The following SEMA3E variants were observed in gnomAD, a reference collection of about 807,000 sequenced individuals.
SEMA3E encodes the protein semaphorin-3E.
SEMA3E carries 49 observed loss-of-function variants against 93.6 expected under a neutral mutation model. The ratio of observed to expected loss-of-function variants is 0.52; its 90% CI spans 0.42 to 0.66. SEMA3E has a LOEUF of 0.66. Among genes scored for constraint, SEMA3E ranks in the 30% least tolerant of loss-of-function variants. The pLI, the probability that SEMA3E is intolerant of heterozygous loss-of-function variation, is 0.00. For missense variants in SEMA3E, 906 were observed against 964.8 expected, an observed-to-expected ratio of 0.94 and a Z score of 0.81; for synonymous variants, 363 against 330.7, an observed-to-expected ratio of 1.10 and a Z score of -1.06.
At chr7:83,580,472 T>G (rs1792497158) in intron 1 of SEMA3E, among the ~76,000 whole-genome samples, 1 of 151,984 alleles carries the variant, frequency 6.6e-6, no homozygotes, top group Non-Finnish European at 1.5e-5. Context: ...GTCTATCATG[T>G]GCATCCCTAC....
At chr7:83,440,105 C>T (rs937143605) in intron 4 of SEMA3E, among the ~76,000 whole-genome samples, 1 of 152,102 alleles carries the variant, frequency 6.6e-6, no homozygotes, top group African/African-American at 2.4e-5. Flanking sequence ...TCCTTTATTG[C>T]TTCATCACAA....
At chr7:83,378,122 G>C (rs1460995622) in intron 16 of SEMA3E, among the ~76,000 whole-genome samples, 1 of 151,700 alleles carries the variant, frequency 6.6e-6, no homozygotes, top group Admixed American at 6.6e-5. Flanking sequence ...ATTTAGGCTT[G>C]TATTTCAGAT....
intron 1 of SEMA3E, among the ~76,000 whole-genome samples, chr7:83,603,057 G>A (rs73380778): frequency 0.013 from 1,955 of 152,128 alleles, 46 homozygotes; most frequent in African/African-American, 0.044. Flanking sequence ...TGCTTTATGC[G>A]TAGGTCCAAG....
At chr7:83,458,054 T>C (rs1030864553) in intron 4 of SEMA3E, among the ~76,000 whole-genome samples, 2 of 151,646 alleles carry the variant, frequency 1.3e-5, no homozygotes, top group Admixed American at 1.3e-4. Flanking sequence ...TATATATAAT[T>C]TTTTCAAAAT....
At chr7:83,512,582 A>G (rs1040453920) in intron 1 of SEMA3E, among the ~76,000 whole-genome samples, 1 of 152,218 alleles carries the variant, frequency 6.6e-6, no homozygotes, top group Non-Finnish European at 1.5e-5. Flanking sequence ...TCAGATAATG[A>G]TATTTCAGAG....
chr7:83,390,419 G>C (rs56362459), intron 14 of SEMA3E, among the ~76,000 whole-genome samples: 151,424 of 152,162 alleles, frequency 1, 75,346 homozygotes, highest in Middle Eastern at 1. Flanking sequence ...AGACAAAATA[G>C]AAGAGCAAGG....
At chr7:83,512,593 A>T (rs1222722210) in intron 1 of SEMA3E, among the ~76,000 whole-genome samples, 9 of 152,222 alleles carry the variant, frequency 5.9e-5, no homozygotes. Flanking sequence ...TATTTCAGAG[A>T]TAGTTGTGTT....
chr7:83,551,645 ACTAAAAC>A (rs1454079864), intron 1 of SEMA3E, among the ~76,000 whole-genome samples: 1 of 152,214 alleles, frequency 6.6e-6, no homozygotes, highest in African/African-American at 2.4e-5. Flanking sequence ...ATTTACTCAT[ACTAAAAC>A]ATTTGAATAC....
chr7:83,594,972 C>G (rs1792839436), intron 1 of SEMA3E, among the ~76,000 whole-genome samples: 1 of 149,974 alleles, frequency 6.7e-6, no homozygotes, highest in Non-Finnish European at 1.5e-5. Flanking sequence ...AAAAAAAGCT[C>G]CCTGTTTTTA....
At chr7:83,639,137 A>AAAAAAAAAAAAAAG (rs1793946381) in intron 1 of SEMA3E, among the ~76,000 whole-genome samples, 1 of 134,042 alleles carries the variant, frequency 7.5e-6, no homozygotes, top group African/African-American at 2.7e-5. Context: ...AAAAAAAAAA[A>AAAAAAAAAAAAAAG]AAACAGAGAT....
intron 1 of SEMA3E, among the ~76,000 whole-genome samples, chr7:83,498,541 G>A (rs1184606416): frequency 6.6e-6 from 1 of 151,470 alleles, no homozygotes; most frequent in African/African-American, 2.4e-5. Flanking sequence ...GCAGTGGTGC[G>A]ATCTCGGCTC....
chr7:83,548,662 A>G (rs1378418399), intron 1 of SEMA3E, among the ~76,000 whole-genome samples: 1 of 152,040 alleles, frequency 6.6e-6, no homozygotes, highest in Non-Finnish European at 1.5e-5. Context: ...AGAAGTTGTC[A>G]ATTCTCTGCC....
intron 2 of SEMA3E, among the ~76,000 whole-genome samples, chr7:83,487,500 C>T (rs1790285803): frequency 6.6e-6 from 1 of 151,638 alleles, no homozygotes; most frequent in Non-Finnish European, 1.5e-5. Context: ...TTTATGATCC[C>T]TAGATTAGAT....
At chr7:83,400,622 C>T (rs1788219171) in intron 10 of SEMA3E, among the ~76,000 whole-genome samples, 1 of 151,776 alleles carries the variant, frequency 6.6e-6, no homozygotes, top group Non-Finnish European at 1.5e-5. Context: ...TTTTTTGTTA[C>T]AGAAATAGAA....
At chr7:83,445,526 T>C (rs1048436648) in intron 4 of SEMA3E, among the ~76,000 whole-genome samples, 3 of 152,134 alleles carry the variant, frequency 2.0e-5, no homozygotes, top group African/African-American at 7.2e-5. Flanking sequence ...AAGACAGGCC[T>C]GGCCAACATG....
intron 16 of SEMA3E, 129 bp downstream of exon 16, chr7:83,385,165 T>G: frequency 1.2e-6 from 1 of 859,706 alleles, no homozygotes; most frequent in Middle Eastern, 2.4e-4. Flanking sequence ...CAAATAAAAC[T>G]GACTTATTAA....
At chr7:83,482,716 G>A (rs1369108774) in intron 2 of SEMA3E, among the ~76,000 whole-genome samples, 3 of 151,976 alleles carry the variant, frequency 2.0e-5, no homozygotes, top group South Asian at 2.1e-4. Context: ...TACTCTTAGG[G>A]ACCCATCTTA....
At chr7:83,466,445 A>C in intron 4 of SEMA3E, 37 bp downstream of exon 4, 2 of 1,611,496 alleles carry the variant, frequency 1.2e-6, no homozygotes, top group Non-Finnish European at 1.7e-6. Context: ...TGTTTTAAGC[A>C]TTGTTTTTAT....
chr7:83,579,588 A>C (rs1792478822), intron 1 of SEMA3E, among the ~76,000 whole-genome samples: 1 of 152,124 alleles, frequency 6.6e-6, no homozygotes, highest in African/African-American at 2.4e-5. Flanking sequence ...GGTAAAAAGT[A>C]AGGAAAAAGT....
Sources: gnomAD v4.1 joint callset for allele counts (sites outside exome capture counted in the v4.1 genomes callset) on GRCh38, gnomAD v4.1.1 for gene constraint, MANE v1.5 for transcripts, NCBI Gene and HGNC (gene_info 2026-07-23, HGNC 2026-07-21) for gene names.